The following ECHS1 variants were observed in gnomAD, a reference collection of about 807,000 sequenced individuals.
ECHS1 encodes the protein enoyl-CoA hydratase, mitochondrial.
Under a neutral mutation model 33.5 loss-of-function variants are expected in ECHS1, and 19 were observed. The observed-to-expected ratio is 0.57, with a 90% CI of 0.40 to 0.83. The LOEUF (loss-of-function observed/expected upper bound fraction) is 0.83, where lower values mean the gene tolerates loss of function less well. Among genes scored for constraint, ECHS1 ranks in the 40% least tolerant of loss-of-function variants. The pLI is 0.00. For missense variants in ECHS1, 365 were observed against 381.3 expected (o/e 0.96, Z 0.36); for synonymous variants, 158 against 146.6 (o/e 1.08, Z -0.56).
intron 6 of ECHS1, 125 bp downstream of exon 6, chr10:133,365,851 A>G: frequency 8.4e-7 from 1 of 1,195,322 alleles, no homozygotes. Context: ...GAACTGAGAC[A>G]CTGAGAAGCA....
In ECHS1 at chr10:133,373,165, G is replaced by T; in HGVS notation, c.88+81C>A. The T allele has an allele frequency of 1.7e-6, 2 of 1,166,494 alleles. 1 individual carries two copies. Among genetic ancestry groups the T allele is most frequent in the South Asian group, 3.7e-5 (2 of 53,610 alleles). 72.3% of individuals were successfully genotyped at this position (1,166,494 alleles called of 1,614,324 possible). A position where few individuals can be genotyped will look rare whatever the true frequency, so the allele number is the denominator to read the frequency against. ...GGGATGCGGGGTCAGGTGGGAGGGG[G>T]GTGCGGTCTGGGATCTGGTCTGGGC... On this transcript the variant is annotated intron_variant, in intron 1 of 7. Coordinates refer to ENST00000368547, the MANE Select transcript of ECHS1 (RefSeq NM_004092.4).
intron 1 of ECHS1, 96 bp from the exon 2 acceptor site, chr10:133,370,853 G>T: frequency 7.6e-7 from 1 of 1,307,312 alleles, no homozygotes. Context: ...GATACAGTGT[G>T]ACCCCAAGAG....
Position 133,369,416 on chromosome 10 carries a change from ACGG to A in ECHS1, c.415-397_415-395del, listed in dbSNP as rs1255503233. ...CACAATCCGCAGACCCCTGGTTTAC[ACGG>A]CAGGGAGCGTCATGAAATGATCACA... On this transcript the variant is annotated intron_variant, in intron 3 of 7. Transcript: ENST00000368547. Among the ~76,000 whole-genome samples the A allele has an allele frequency of 1.3e-3, 33 of 24,702 alleles. 3 individuals carry two copies. The highest frequency in any genetic ancestry group is 2.2e-3 in the Admixed American group (3 of 1,356). The allele number at this position is 24,702 out of a possible 152,430, so 16.2% of individuals were successfully genotyped here.
At chr10:133,367,331 A>G (rs531296334) in intron 4 of ECHS1, among the ~76,000 whole-genome samples, 1 of 152,108 alleles carries the variant, frequency 6.6e-6, no homozygotes, top group African/African-American at 2.4e-5. Context: ...GACATTATCA[A>G]TCATTAGTAT....
chr10:133,373,296 C>T lies in ECHS1; in HGVS notation c.38G>A (p.Gly13Asp), dbSNP rs779720008. The T allele has an allele frequency of 2.7e-6, 4 of 1,486,638 alleles. No individual in the cohort carries two copies. The Admixed American group carries it at 9.1e-5, about 34-fold the overall frequency. 92.1% of individuals were successfully genotyped at this position (1,486,638 alleles called of 1,614,324 possible). ...ACAGCGAACCGGGGGCCTCAGCGGG[C>T]CGCGGACGCAGGACAGCAGGACACG... The part of the protein sequence containing the change: ...ALRVLLSCVR[G>D]PLRPPVRCPA... The change falls in exon 1 of 8, where the codon GGC becomes GAC. Residue 13 changes from glycine (G) to aspartate (D), a missense_variant. By Grantham distance (94) the Gly-to-Asp change is moderately conservative. Transcript: ENST00000368547.
Position 133,363,054 on chromosome 10 carries a change from C to T in ECHS1, c.808-121G>A, listed in dbSNP as rs149289784. 19,572 of 1,177,858 alleles carry T rather than the reference C, an allele frequency of 0.017. 230 individuals carry two copies. The highest frequency in any genetic ancestry group is 0.023 in the Middle Eastern group (107 of 4,682). 73.0% of individuals were successfully genotyped at this position (1,177,858 alleles called of 1,614,324 possible). A position where few individuals can be genotyped will look rare whatever the true frequency, so the allele number is the denominator to read the frequency against. ...TCATGCTCACAGGGGCCCAGGGGGC[C>T]GGGGAGGGGACTCAGCGGCAGGAAC... is the stretch of plus-strand genomic sequence containing the variant. On this transcript the variant is annotated intron_variant, in intron 7 of 7. Coordinates refer to ENST00000368547, the MANE Select transcript of ECHS1 (RefSeq NM_004092.4).
chr10:133,369,475 AGC>A (rs1329310530), intron 3 of ECHS1, among the ~76,000 whole-genome samples: 6 of 123,278 alleles, frequency 4.9e-5, no homozygotes, highest in South Asian at 3.5e-4. Flanking sequence ...CACGGCAGGG[AGC>A]GTCATGAAAT....
At chr10:133,373,123 G>A (rs1849137378) in intron 1 of ECHS1, 123 bp downstream of exon 1, 1 of 730,616 alleles carries the variant, frequency 1.4e-6, no homozygotes, top group African/African-American at 2.1e-5. Flanking sequence ...AGAGGGGTGT[G>A]GGTTGGGGTC....
intron 4 of ECHS1, among the ~76,000 whole-genome samples, chr10:133,368,341 C>T (rs1301880168): frequency 4.6e-5 from 7 of 152,334 alleles, no homozygotes; most frequent in Admixed American, 2.0e-4. Flanking sequence ...GCCTCAGAAT[C>T]GGCCTCGTCC....
In ECHS1 at chr10:133,371,194, A is replaced by G. The variant is rs930262015; in HGVS notation, c.89-437T>C. ...GGGGAGGCTGAGGCAGGAGAGTGGC[A>G]TGAACCCAGGAGGTGGAGCTTGCAG... On this transcript the variant is annotated intron_variant, in intron 1 of 7. Transcript: ENST00000368547. 1.6e-4 allele frequency among the ~76,000 whole-genome samples: 24 copies of G among 152,124 alleles called. No homozygotes were observed. The East Asian group carries it at 2.5e-3, about 16-fold the overall frequency.
intron 3 of ECHS1, 21 bp downstream of exon 3, chr10:133,369,883 A>C: frequency 6.2e-7 from 1 of 1,611,672 alleles, no homozygotes; most frequent in Non-Finnish European, 8.5e-7. Flanking sequence ...AGAGGAGGAG[A>C]CTCTTGGCAG....
chr10:133,366,166 C>T (rs543745163), intron 5 of ECHS1, 71 bp from the exon 6 acceptor site: 13 of 1,555,294 alleles, frequency 8.4e-6, no homozygotes, highest in East Asian at 6.8e-5. Flanking sequence ...AGTGAGTGGC[C>T]GCTGGGGAGC....
chr10:133,373,203 G>A, intron 1 of ECHS1, 43 bp downstream of exon 1: 1 of 1,390,328 alleles, frequency 7.2e-7, no homozygotes, highest in Admixed American at 3.3e-5. Context: ...GCAGGTCGGA[G>A]TCAGGAGGAG....
Position 133,369,027 on chromosome 10 carries a change from A to G in ECHS1, c.415-5T>C. On this transcript the variant is annotated splice_polypyrimidine_tract_variant and splice_region_variant and intron_variant, in intron 3 of 7. Transcript: ENST00000368547. ...AAGCTCACAGCCCCCGCCAAACTGT[A>G]AAACATTCGGCATCAGGAGAGTCTT... 6.2e-7 allele frequency: 1 copy of G among 1,613,332 alleles called. No individual in the cohort carries two copies.
intron 6 of ECHS1, 47 bp downstream of exon 6, chr10:133,365,929 T>G: frequency 1.2e-6 from 2 of 1,607,386 alleles, no homozygotes; most frequent in East Asian, 4.5e-5. Context: ...GGAATGCTCC[T>G]GACAGCCACG....
intron 6 of ECHS1, 130 bp from the exon 7 acceptor site, chr10:133,364,855 C>T (rs1002118334): frequency 2.9e-6 from 2 of 693,666 alleles, no homozygotes; most frequent in East Asian, 2.7e-5. Flanking sequence ...CCTGCACAGG[C>T]TTCCATGGTG....
chr10:133,366,732 A>ACCCT lies in ECHS1; in HGVS notation c.619+156_619+157insAGGG, dbSNP rs1564803780. On this transcript the variant is annotated intron_variant, in intron 5 of 7. Coordinates refer to ENST00000368547, the MANE Select transcript of ECHS1 (RefSeq NM_004092.4). ...CGAGGGAGACAACTGGATGCAGCTCAGGGTTTCTGTGGGGCACCCATGAGG... is the reference window on the plus strand; with the variant it reads ...CGAGGGAGACAACTGGATGCAGCTCACCCTGGGTTTCTGTGGGGCACCCATGAGG... Among the ~76,000 whole-genome samples the ACCCT allele has an allele frequency of 1.8e-3, 249 of 141,582 alleles. 1 individual carries two copies. Among genetic ancestry groups the ACCCT allele is most frequent in the African/African-American group, 7.2e-3 (238 of 32,966 alleles). The allele number at this position is 141,582 out of a possible 152,430, so 92.9% of individuals were successfully genotyped here.
At chr10:133,367,654 C>T (rs954870336) in intron 4 of ECHS1, among the ~76,000 whole-genome samples, 2 of 151,818 alleles carry the variant, frequency 1.3e-5, no homozygotes, top group African/African-American at 4.8e-5. Context: ...CAGGCCTGCC[C>T]GCAGTCATCC....
At position 133,366,718 on chromosome 10, in the gene ECHS1, A is replaced by C. The variant is rs998133327; in HGVS notation, c.619+171T>G. ...CTGTGGGGCTCCCACGAGGGAGACA[A>C]CTGGATGCAGCTCAGGGTTTCTGTG... On this transcript the variant is annotated intron_variant, in intron 5 of 7. Transcript: ENST00000368547. Among the ~76,000 whole-genome samples the C allele has an allele frequency of 2.0e-3, 274 of 135,224 alleles. 2 individuals are homozygous for C. The highest frequency in any genetic ancestry group is 8.7e-3 in the African/African-American group (263 of 30,150). 88.7% of individuals were successfully genotyped at this position (135,224 alleles called of 152,430 possible). A position where few individuals can be genotyped will look rare whatever the true frequency, so the allele number is the denominator to read the frequency against.
Sources: allele counts gnomAD v4.1 joint callset (sites outside exome capture counted in the v4.1 genomes callset), GRCh38; gene constraint gnomAD v4.1.1; transcripts MANE v1.5; gene names NCBI Gene and HGNC (gene_info 2026-07-23, HGNC 2026-07-21).